ASIC2: variants seen among roughly 807,000 people sequenced by gnomAD.
ASIC2 encodes acid-sensing ion channel 2.
Under a neutral mutation model 57.3 loss-of-function variants are expected in ASIC2, and 25 were observed. The ratio of observed to expected loss-of-function variants is 0.44; its 90% CI spans 0.32 to 0.61. The LOEUF is 0.61. Among genes scored for constraint, ASIC2 ranks in the 20% least tolerant of loss-of-function variants. ASIC2 has a pLI of 0.06. For missense variants in ASIC2, 641 were observed against 738.1 expected (o/e 0.87, Z 1.52); for synonymous variants, 319 against 307.5 (o/e 1.04, Z -0.39).
chr17:33,238,213 G>A (rs1216460145), intron 1 of ASIC2, among the ~76,000 whole-genome samples: 1 of 152,226 alleles, frequency 6.6e-6, no homozygotes, highest in African/African-American at 2.4e-5. Context: ...TGAAATCGCA[G>A]AGGCTGTGCT....
At chr17:33,175,117 C>A (rs188930233) in intron 1 of ASIC2, among the ~76,000 whole-genome samples, 1 of 152,322 alleles carries the variant, frequency 6.6e-6, no homozygotes, top group Non-Finnish European at 1.5e-5. Context: ...TTACATGAAG[C>A]TAAGCACTCT....
intron 1 of ASIC2, chr17:34,037,602 T>G: frequency 6.4e-6 from 10 of 1,562,022 alleles, no homozygotes; most frequent in Non-Finnish European, 7.8e-6. Flanking sequence ...TTGAACAGTT[T>G]GTGGCCTTGG....
At chr17:33,804,622 A>G (rs918595931) in intron 1 of ASIC2, among the ~76,000 whole-genome samples, 1 of 152,172 alleles carries the variant, frequency 6.6e-6, no homozygotes, top group African/African-American at 2.4e-5. Flanking sequence ...ATGACTCTGC[A>G]CCTTTGAACG....
chr17:33,077,395 A>G lies in ASIC2; in HGVS notation c.987+11468T>C, dbSNP rs116672334. Among the ~76,000 whole-genome samples, 1,007 of 152,286 alleles carry G rather than the reference A, an allele frequency of 6.6e-3. 6 individuals carry two copies. Among genetic ancestry groups the G allele is most frequent in the African/African-American group, 0.023 (944 of 41,566 alleles). On this transcript the variant is annotated intron_variant, in intron 3 of 9. Transcript: ENST00000225823. Reference sequence around the variant, plus strand: ...TATTCATTCATTGATTTACAGTGTTAGGCTTGTGCTAGCTGCTGCAGAACC... The same window carrying G: ...TATTCATTCATTGATTTACAGTGTTGGGCTTGTGCTAGCTGCTGCAGAACC...
At chr17:33,738,514 T>C (rs756387222) in intron 1 of ASIC2, among the ~76,000 whole-genome samples, 3 of 152,174 alleles carry the variant, frequency 2.0e-5, no homozygotes, top group Non-Finnish European at 4.4e-5. Flanking sequence ...GGGATTGCGT[T>C]TTACACCACC....
At chr17:33,604,488 G>T (rs1905179128) in intron 1 of ASIC2, among the ~76,000 whole-genome samples, 1 of 152,158 alleles carries the variant, frequency 6.6e-6, no homozygotes, top group African/African-American at 2.4e-5. Flanking sequence ...CGAGAACTCA[G>T]GTTAATGTGC....
intron 1 of ASIC2, among the ~76,000 whole-genome samples, chr17:34,079,889 C>T (rs1001406044): frequency 6.6e-6 from 1 of 152,180 alleles, no homozygotes; most frequent in African/African-American, 2.4e-5. Flanking sequence ...TTCTGGAAGA[C>T]CTTGACCTTC....
At chr17:33,068,781 CA>C (rs542839312) in intron 3 of ASIC2, among the ~76,000 whole-genome samples, 4 of 151,822 alleles carry the variant, frequency 2.6e-5, no homozygotes, top group Admixed American at 2.0e-4. Context: ...TTATTAATAT[CA>C]AAAAAAATCT....
intron 1 of ASIC2, among the ~76,000 whole-genome samples, chr17:33,413,979 C>A (rs1910750468): frequency 6.6e-6 from 1 of 152,200 alleles, no homozygotes; most frequent in African/African-American, 2.4e-5. Context: ...GGAAGGCAGG[C>A]AAGTTGCCTA....
chr17:33,541,351 G>C (rs1915404092), intron 1 of ASIC2: 1 of 152,154 alleles, frequency 6.6e-6, no homozygotes, highest in Admixed American at 6.6e-5. Flanking sequence ...CAAAACGGGA[G>C]ATCAGAAACC....
chr17:33,282,769 C>T (rs374884204), intron 1 of ASIC2, among the ~76,000 whole-genome samples: 153 of 152,220 alleles, frequency 1.0e-3, no homozygotes, highest in Non-Finnish European at 1.7e-3. Flanking sequence ...CCACCACGCC[C>T]GGCCTCTTTC....
At position 33,628,500 on chromosome 17, in the gene ASIC2, T is replaced by C. The variant is rs1234850055; in HGVS notation, c.556-516433A>G. The stretch of plus-strand genomic sequence containing the variant: ...TTTGCAGAGATGAAGTCTCACTATG[T>C]TATCCAGGTTGGTCTTGAACTCTTG... On this transcript the variant is annotated intron_variant, in intron 1 of 9. Transcript: ENST00000359872. Among the ~76,000 whole-genome samples, 3 of 152,058 alleles carry C rather than the reference T, an allele frequency of 2.0e-5. No individual in the cohort carries two copies. The East Asian group carries it at 5.8e-4, about 29-fold the overall frequency.
intron 3 of ASIC2, among the ~76,000 whole-genome samples, chr17:33,036,373 G>A (rs2091908535): frequency 6.6e-6 from 1 of 152,042 alleles, no homozygotes; most frequent in South Asian, 2.1e-4. Context: ...CATAGGTCAA[G>A]GAAATCGATG....
In ASIC2 at chr17:33,831,994, A is replaced by G. The variant is rs182120986; in HGVS notation, c.555+323984T>C. 3.9e-5 allele frequency among the ~76,000 whole-genome samples: 6 copies of G among 152,238 alleles called. No homozygotes were observed. The South Asian group carries it at 6.2e-4, about 16-fold the overall frequency. ...TTACCCTCTCTTCTCTTGTCTCCAAAGTATTGTTGTGAGATATGAGGAAAA... is the reference window on the plus strand; with the variant it reads ...TTACCCTCTCTTCTCTTGTCTCCAAGGTATTGTTGTGAGATATGAGGAAAA... On this transcript the variant is annotated intron_variant, in intron 1 of 9. Coordinates refer to the ASIC2 transcript ENST00000359872.
intron 1 of ASIC2, among the ~76,000 whole-genome samples, chr17:33,307,689 C>T (rs937233646): frequency 1.1e-4 from 17 of 152,224 alleles, no homozygotes; most frequent in Admixed American, 9.2e-4. Flanking sequence ...GGATTAATCA[C>T]TCCTTCTTTT....
rs1036140931 is a variant in ASIC2, at chr17:34,067,065, G to A, written c.555+88913C>T. Reference sequence around the variant, plus strand: ...CTCTTCTCCTGGGTTATGTGAGCACGTGTCCGTCTCTCATACTAGACTTTA... The same window carrying A: ...CTCTTCTCCTGGGTTATGTGAGCACATGTCCGTCTCTCATACTAGACTTTA... On this transcript the variant is annotated intron_variant, in intron 1 of 9. Transcript: ENST00000359872. Among the ~76,000 whole-genome samples, 6 of 152,320 alleles carry A rather than the reference G, an allele frequency of 3.9e-5. No homozygotes were observed. In the East Asian group the frequency reaches 5.8e-4, roughly 15 times the overall value.
intron 1 of ASIC2, among the ~76,000 whole-genome samples, chr17:33,171,974 A>G (rs549226133): frequency 1.7e-3 from 265 of 152,202 alleles, no homozygotes; most frequent in Non-Finnish European, 2.7e-3. Context: ...ACACACTTTC[A>G]TATTACTGTG....
rs377361022 is a variant in ASIC2, at chr17:33,105,025, T to C, written c.859+6892A>G. 5.3e-5 allele frequency among the ~76,000 whole-genome samples: 8 copies of C among 152,340 alleles called. No individual in the cohort carries two copies. In the East Asian group the frequency reaches 9.6e-4, roughly 18 times the overall value. ...GGCAGTGTACACAATTTCAGCATTG[T>C]GTTTCCTCTCAACAAATATGTAGTG... On this transcript the variant is annotated intron_variant, in intron 2 of 9. Transcript: ENST00000225823.
At chr17:33,606,389 C>T (rs960810953) in intron 1 of ASIC2, among the ~76,000 whole-genome samples, 3 of 152,162 alleles carry the variant, frequency 2.0e-5, no homozygotes, top group African/African-American at 2.4e-5. Context: ...CCAAATCACT[C>T]CACACAGCTT....
Sources: gnomAD v4.1 joint callset for allele counts (sites outside exome capture counted in the v4.1 genomes callset) on GRCh38, gnomAD v4.1.1 for gene constraint, MANE v1.5 for transcripts, NCBI Gene and HGNC (gene_info 2026-07-23, HGNC 2026-07-21) for gene names.